Variants in CDH13 observed in about 807,000 individuals in gnomAD.
CDH13 encodes the protein cadherin-13.
In CDH13, 24 loss-of-function variants were observed where a neutral mutation model predicts 63.8. The ratio of observed to expected loss-of-function variants is 0.38; its 90% CI spans 0.27 to 0.53. CDH13 has a LOEUF of 0.53. CDH13 is among the 20% of genes least tolerant of loss of function. The pLI is 0.85. For synonymous variants in CDH13, 503 were observed against 355.3 expected, an observed-to-expected ratio of 1.42 and a Z score of -4.67; for missense variants, 1,049 against 903.1, an observed-to-expected ratio of 1.16 and a Z score of -2.07.
intron 7 of CDH13, among the ~76,000 whole-genome samples, chr16:83,587,344 G>A (rs1025938733): frequency 2.0e-5 from 3 of 152,172 alleles, no homozygotes; most frequent in African/African-American, 7.2e-5. Flanking sequence ...ATTAGGCAAA[G>A]GTTGTAAAGC....
In CDH13 at chr16:83,779,869, T is replaced by C. The variant is rs1915396941; in HGVS notation, c.1682-99T>C. 4 of 799,500 alleles carry C rather than the reference T, an allele frequency of 5.0e-6. No individual in the cohort carries two copies. The East Asian group carries it at 1.1e-4, about 21-fold the overall frequency. The allele number at this position is 799,500 out of a possible 1,614,324, so 49.5% of individuals were successfully genotyped here. ...TGAGACCCTGTCTCAAAAAATAAAA[T>C]AACTGCAAAATATACTAAGTTTACA... On this transcript the variant is annotated intron_variant, in intron 11 of 13. Transcript: ENST00000567109.
At chr16:83,444,230 T>C (rs1293100831) in intron 6 of CDH13, among the ~76,000 whole-genome samples, 1 of 152,132 alleles carries the variant, frequency 6.6e-6, no homozygotes, top group Non-Finnish European at 1.5e-5. Flanking sequence ...ATAGTAATGA[T>C]GATGATGATG....
At position 82,966,315 on chromosome 16, in the gene CDH13, A is replaced by AT. The variant is rs981429100; in HGVS notation, c.158-65688dup. Among the ~76,000 whole-genome samples, 13 of 144,524 alleles carry AT rather than the reference A, an allele frequency of 9.0e-5. 1 individual carries two copies. Among genetic ancestry groups the AT allele is most frequent in the Admixed American group, 7.0e-4 (10 of 14,186 alleles). 94.8% of individuals were successfully genotyped at this position (144,524 alleles called of 152,430 possible). On this transcript the variant is annotated intron_variant, in intron 2 of 13. Transcript: ENST00000567109. ...AGGCGCCCGCCACCACGCCCAGCTAATTTTTTTGTATTTTTAGTAGAGATG... is the reference window on the plus strand; with the variant it reads ...AGGCGCCCGCCACCACGCCCAGCTAATTTTTTTTGTATTTTTAGTAGAGATG...
At chr16:83,484,024 G>T (rs886134869) in intron 6 of CDH13, among the ~76,000 whole-genome samples, 1 of 152,180 alleles carries the variant, frequency 6.6e-6, no homozygotes, top group African/African-American at 2.4e-5. Flanking sequence ...AAGAAGCTAG[G>T]TGGATAGGAA....
intron 1 of CDH13, among the ~76,000 whole-genome samples, chr16:82,665,848 A>C (rs900189386): frequency 1.4e-4 from 21 of 152,182 alleles, no homozygotes; most frequent in African/African-American, 4.3e-4. Context: ...AAATCATTGA[A>C]TACAAAGCCC....
At chr16:83,730,263 C>G (rs958585471) in intron 10 of CDH13, among the ~76,000 whole-genome samples, 24 of 152,184 alleles carry the variant, frequency 1.6e-4, no homozygotes, top group African/African-American at 5.5e-4. Context: ...CAGATCTTCA[C>G]AATGCAAATC....
At chr16:83,145,891 G>A (rs1277143536) in intron 4 of CDH13, among the ~76,000 whole-genome samples, 1 of 152,120 alleles carries the variant, frequency 6.6e-6, no homozygotes, top group African/African-American at 2.4e-5. Flanking sequence ...TGACTCTAAG[G>A]ATGAAAAGAA....
chr16:82,847,748 C>G (rs373427397), intron 1 of CDH13, among the ~76,000 whole-genome samples: 6 of 152,170 alleles, frequency 3.9e-5, no homozygotes, highest in East Asian at 1.9e-4. Context: ...GTGACCGTTT[C>G]TCTAGCAAAG....
intron 2 of CDH13, among the ~76,000 whole-genome samples, chr16:82,932,236 T>C (rs1267508224): frequency 6.6e-6 from 1 of 152,142 alleles, no homozygotes; most frequent in Non-Finnish European, 1.5e-5. Flanking sequence ...CTGCCCAACA[T>C]TGACACACAC....
chr16:83,515,878 T>C (rs968166444), intron 7 of CDH13, among the ~76,000 whole-genome samples: 3 of 152,188 alleles, frequency 2.0e-5, no homozygotes, highest in Non-Finnish European at 4.4e-5. Context: ...TATTTATAAA[T>C]TTAATCTTTA....
intron 3 of CDH13, among the ~76,000 whole-genome samples, chr16:83,113,420 C>T (rs926674824): frequency 2.6e-5 from 4 of 152,074 alleles, no homozygotes; most frequent in Admixed American, 1.3e-4. Context: ...ATATTTATTT[C>T]ATAATTGCTT....
rs139880999 is a variant in CDH13, at chr16:82,643,740, T to G, written c.45+16603T>G. Among the ~76,000 whole-genome samples the G allele has an allele frequency of 9.6e-3, 1,467 of 152,190 alleles. 7 individuals are homozygous for G. Among genetic ancestry groups the G allele is most frequent in the South Asian group, 0.016 (77 of 4,818 alleles). ...CAGAGACTGAAGAAAAGGAGATGGT[T>G]TAGTGTTACTGACTTTTTTTAAGAC... On this transcript the variant is annotated intron_variant, in intron 1 of 13. Coordinates refer to ENST00000567109, the MANE Select transcript of CDH13 (RefSeq NM_001257.5).
At chr16:82,734,558 T>C (rs561911368) in intron 1 of CDH13, among the ~76,000 whole-genome samples, 1 of 152,312 alleles carries the variant, frequency 6.6e-6, no homozygotes, top group East Asian at 1.9e-4. Context: ...TCTCGCTCTT[T>C]GTGATACATC....
chr16:83,632,068 A>G (rs1407633326), intron 8 of CDH13, among the ~76,000 whole-genome samples: 2 of 152,192 alleles, frequency 1.3e-5, no homozygotes, highest in African/African-American at 4.8e-5. Flanking sequence ...AACGAACCCA[A>G]TTATTTGGAT....
At chr16:82,995,256 C>T (rs977180410) in intron 2 of CDH13, among the ~76,000 whole-genome samples, 2 of 152,178 alleles carry the variant, frequency 1.3e-5, no homozygotes, top group Non-Finnish European at 2.9e-5. Flanking sequence ...CTCCGTTTTG[C>T]AACAGCAGAT....
intron 5 of CDH13, among the ~76,000 whole-genome samples, chr16:83,229,454 G>A (rs928739561): frequency 1.6e-4 from 25 of 151,938 alleles, no homozygotes; most frequent in Non-Finnish European, 2.6e-4. Flanking sequence ...TAATTTCCAT[G>A]CCAAGTAAAT....
rs959471527 is a variant in CDH13 at position 83,259,857 on chromosome 16, G to A, written c.636+42360G>A. 2.0e-5 allele frequency among the ~76,000 whole-genome samples: 3 copies of A among 152,048 alleles called. 1 individual carries two copies. The highest frequency in any genetic ancestry group is 2.0e-4 in the Admixed American group (3 of 15,258). On this transcript the variant is annotated intron_variant, in intron 5 of 13. Coordinates refer to ENST00000567109, the MANE Select transcript of CDH13 (RefSeq NM_001257.5). Reference sequence around the variant, plus strand: ...ACCATGAACCACAGCACCCCTTCAAGTGAAAGAAGCAAACTTCTTTGGGGG... The same window carrying A: ...ACCATGAACCACAGCACCCCTTCAAATGAAAGAAGCAAACTTCTTTGGGGG...
chr16:83,657,832 A>G (rs1039051813), intron 8 of CDH13, among the ~76,000 whole-genome samples: 21 of 152,024 alleles, frequency 1.4e-4, no homozygotes, highest in African/African-American at 5.1e-4. Flanking sequence ...CTCACCAGCA[A>G]GGTCCCATGT....
chr16:82,842,979 C>G (rs979267370), intron 1 of CDH13, among the ~76,000 whole-genome samples: 1 of 152,158 alleles, frequency 6.6e-6, no homozygotes, highest in Non-Finnish European at 1.5e-5. Context: ...TGGGGAGCAG[C>G]TATAAATACA....
Sources: allele counts gnomAD v4.1 joint callset (sites outside exome capture counted in the v4.1 genomes callset), GRCh38; gene constraint gnomAD v4.1.1; transcripts MANE v1.5; gene names NCBI Gene and HGNC (gene_info 2026-07-23, HGNC 2026-07-21).